COL5A2: variants seen among roughly 807,000 people sequenced by gnomAD.
COL5A2 encodes collagen alpha-2(V) chain.
Under a neutral mutation model 208.2 loss-of-function variants are expected in COL5A2, and 23 were observed. The ratio of observed to expected loss-of-function variants is 0.11; its 90% CI spans 0.08 to 0.16. COL5A2 has a LOEUF of 0.16. COL5A2 is among the 10% of genes least tolerant of loss of function. The pLI is 1.00. For synonymous variants in COL5A2, 625 were observed against 628.5 expected (o/e 0.99, Z 0.08); for missense variants, 1,590 against 1,956.4 (o/e 0.81, Z 3.53).
chr2:189,148,065 C>G (rs565907295), intron 1 of COL5A2, among the ~76,000 whole-genome samples: 97 of 152,222 alleles, frequency 6.4e-4, no homozygotes, highest in African/African-American at 2.2e-3. Context: ...AAATGAACTT[C>G]TTTGTGGAAA....
chr2:189,374,491 TA>T, the COL5A2 span, among the ~76,000 whole-genome samples: 1 of 152,086 alleles, frequency 6.6e-6, no homozygotes, highest in Admixed American at 6.5e-5. Flanking sequence ...CTAATTTCAT[TA>T]AAAAAACTGA....
chr2:189,308,926 C>T, the COL5A2 span, among the ~76,000 whole-genome samples: 4 of 152,158 alleles, frequency 2.6e-5, no homozygotes, highest in African/African-American at 7.2e-5. Flanking sequence ...GACTGTGTCA[C>T]GGGCCACTGC....
intron 7 of COL5A2, among the ~76,000 whole-genome samples, chr2:189,090,675 T>C (rs1640341112): frequency 6.6e-6 from 1 of 152,192 alleles, no homozygotes; most frequent in Admixed American, 6.5e-5. Context: ...TTTCTTATTA[T>C]GGAAATCCTA....
In COL5A2 at chr2:189,061,582, G is replaced by C; in HGVS notation, c.2011C>G (p.Pro671Ala). ...CATACCTGAAAACCTGTGGGGCCTGGAGGTCCTTGTTCTCCTCTTTCACCA... is the reference window on the plus strand; with the variant it reads ...CATACCTGAAAACCTGTGGGGCCTGCAGGTCCTTGTTCTCCTCTTTCACCA... The part of the protein sequence containing the change: ...LAGERGEQGP[P>A]GPTGFQGLPG... Residue 671 changes from proline (P) to alanine (A), a missense_variant, in exon 30 of 54, where the codon CCA becomes GCA. By Grantham distance (27) the Pro-to-Ala change is conservative. Transcript: ENST00000374866. 1 of 1,613,344 alleles carries C rather than the reference G, an allele frequency of 6.2e-7. No individual in the cohort carries two copies. The highest frequency in any genetic ancestry group is 8.5e-7 in the Non-Finnish European group (1 of 1,179,540).
chr2:189,121,182 C>G (rs913951469), intron 1 of COL5A2, among the ~76,000 whole-genome samples: 4 of 151,926 alleles, frequency 2.6e-5, no homozygotes, highest in Non-Finnish European at 5.9e-5. Context: ...AGTTCTTTAA[C>G]TTCCTTATTT....
intron 7 of COL5A2, among the ~76,000 whole-genome samples, chr2:189,091,007 T>C (rs963947080): frequency 6.6e-6 from 1 of 152,236 alleles, no homozygotes; most frequent in Admixed American, 6.5e-5. Context: ...TACTTAAGAA[T>C]ATAATGTTCA....
At chr2:189,273,039 C>G in the COL5A2 span, among the ~76,000 whole-genome samples, 1 of 152,186 alleles carries the variant, frequency 6.6e-6, no homozygotes, top group South Asian at 2.1e-4. Context: ...TAAGGAAAGA[C>G]AGATTTCAAA....
At chr2:189,164,965 T>G (rs1688438843) in intron 1 of COL5A2, among the ~76,000 whole-genome samples, 1 of 152,200 alleles carries the variant, frequency 6.6e-6, no homozygotes, top group South Asian at 2.1e-4. Context: ...TCAGGCAAGG[T>G]GCATGCCATC....
At chr2:189,314,190 A>G in the COL5A2 span, among the ~76,000 whole-genome samples, 6 of 152,164 alleles carry the variant, frequency 3.9e-5, no homozygotes, top group South Asian at 2.1e-4. Flanking sequence ...TCACATAATC[A>G]GAAGTAAAAC....
chr2:189,129,113 A>G (rs1369730111), intron 1 of COL5A2, among the ~76,000 whole-genome samples: 2 of 152,026 alleles, frequency 1.3e-5, no homozygotes, highest in East Asian at 3.9e-4. Context: ...TCCCCTGGTG[A>G]GTTTTATCAC....
chr2:189,125,203 T>C (rs1687583729), intron 1 of COL5A2, among the ~76,000 whole-genome samples: 1 of 152,160 alleles, frequency 6.6e-6, no homozygotes, highest in African/African-American at 2.4e-5. Context: ...TATCCACCAA[T>C]AGAAACTTCT....
Position 189,057,007 on chromosome 2 carries a change from C to G in COL5A2, c.2357G>C (p.Gly786Ala). The G allele has an allele frequency of 6.2e-7, 1 of 1,614,042 alleles. No homozygotes were observed. The highest frequency in any genetic ancestry group is 8.5e-7 in the Non-Finnish European group (1 of 1,179,964). The change falls in exon 35 of 54, where the codon GGT becomes GCT. Residue 786 changes from glycine to alanine, a missense_variant. By Grantham distance (60) the Gly-to-Ala change is moderately conservative (BLOSUM62 0). Coordinates refer to ENST00000374866, the MANE Select transcript of COL5A2 (RefSeq NM_000393.5). ...ATCATTTCCAGCTGTGCCTTCAGCA[C>G]CTTTTTCTCCTATGCCACCCTGGGA... ...KGDRGGIGEK[G>A]AEGTAGNDGA... is the part of the protein sequence containing the mutation.
At chr2:189,066,321 T>C (rs1686147079) in intron 23 of COL5A2, 69 bp downstream of exon 23, 3 of 1,386,524 alleles carry the variant, frequency 2.2e-6, no homozygotes, top group Non-Finnish European at 3.1e-6. Flanking sequence ...TAGTTTTCCT[T>C]ACTGTTCTCA....
chr2:189,365,872 C>A, the COL5A2 span, among the ~76,000 whole-genome samples: 1 of 152,166 alleles, frequency 6.6e-6, no homozygotes, highest in Non-Finnish European at 1.5e-5. Context: ...CTTCAGTAAA[C>A]CTGCATTTGA....
At chr2:189,055,989 C>T (rs1685892786) in intron 35 of COL5A2, among the ~76,000 whole-genome samples, 1 of 152,114 alleles carries the variant, frequency 6.6e-6, no homozygotes, top group South Asian at 2.1e-4. Flanking sequence ...TTAGATTTAA[C>T]TAAAAGGCAA....
In COL5A2 at chr2:189,197,935, C is replaced by T. The variant is rs186714111; in HGVS notation, c.-42+27213G>A. ...CACGATCTAGGCTCACTGCAAGCTCCGCCTCCCAGGTTCACGCCATTCTCG... is the reference window on the plus strand; with the variant it reads ...CACGATCTAGGCTCACTGCAAGCTCTGCCTCCCAGGTTCACGCCATTCTCG... On this transcript the variant is annotated intron_variant, in intron 1 of 10. Transcript: ENST00000649966. Among the ~76,000 whole-genome samples, 340 of 151,790 alleles carry T rather than the reference C, an allele frequency of 2.2e-3. 1 individual carries two copies. The highest frequency in any genetic ancestry group is 4.4e-3 in the Non-Finnish European group (298 of 67,922).
the COL5A2 span, among the ~76,000 whole-genome samples, chr2:189,246,701 T>C: frequency 2.0e-5 from 3 of 152,172 alleles, no homozygotes; most frequent in African/African-American, 7.2e-5. Context: ...TAAAATGTAA[T>C]TGGAGCCAAA....
At chr2:189,240,721 T>G in the COL5A2 span, among the ~76,000 whole-genome samples, 5 of 152,172 alleles carry the variant, frequency 3.3e-5, no homozygotes, top group Non-Finnish European at 7.4e-5. Flanking sequence ...CCCAGTGTCT[T>G]TAAGACAGTT....
At chr2:189,372,432 T>C in the COL5A2 span, among the ~76,000 whole-genome samples, 3 of 152,146 alleles carry the variant, frequency 2.0e-5, no homozygotes, top group Non-Finnish European at 4.4e-5. Flanking sequence ...ATAGTTAAAA[T>C]CCATTTACAG....
Sources: gnomAD v4.1 joint callset for allele counts (sites outside exome capture counted in the v4.1 genomes callset) on GRCh38, gnomAD v4.1.1 for gene constraint, MANE v1.5 for transcripts, NCBI Gene and HGNC (gene_info 2026-07-23, HGNC 2026-07-21) for gene names.